Variants in ARID3A observed in about 807,000 individuals in gnomAD.
The protein encoded by ARID3A is AT-rich interactive domain-containing protein 3A.
ARID3A carries 11 observed loss-of-function variants against 52.7 expected under a neutral mutation model. That is an observed-to-expected ratio of 0.21 (90% CI 0.13 to 0.35). The LOEUF is 0.35. Among genes scored for constraint, ARID3A ranks in the 10% least tolerant of loss-of-function variants. ARID3A has a pLI of 1.00. For synonymous variants in ARID3A, 404 were observed against 359.4 expected (o/e 1.12, Z -1.40); for missense variants, 721 against 838.5 (o/e 0.86, Z 1.73).
chr19:929,441 C>CGA lies in ARID3A; in HGVS notation c.-88_-87insGA. 7.9e-7 allele frequency: 1 copy of CGA among 1,270,378 alleles called. No homozygotes were observed. Among genetic ancestry groups the CGA allele is most frequent in the Non-Finnish European group, 1.0e-6 (1 of 1,001,008 alleles). The allele number at this position is 1,270,378 out of a possible 1,614,324, so 78.7% of individuals were successfully genotyped here. On this transcript the variant is annotated 5_prime_UTR_variant, in exon 2 of 9. Coordinates refer to ENST00000263620, the MANE Select transcript of ARID3A (RefSeq NM_005224.3). This position sits in a 1 kb window ranked among gnomAD's most constrained non-coding sequence, Gnocchi z 6.2. ...CCACGCTGCAGTGCGGCCGGGCCCC[C>CGA]TCCCCGCAGGGGCCGCCCCCGCCGC...
chr19:936,145 G>A (rs2037434413), intron 3 of ARID3A, among the ~76,000 whole-genome samples: 1 of 152,236 alleles, frequency 6.6e-6, no homozygotes, highest in African/African-American at 2.4e-5. Context: ...GCTGCTTAAG[G>A]ATTTGAACCT....
chr19:932,748 T>A lies in ARID3A; in HGVS notation c.693+6T>A, dbSNP rs1456007133. ...ACGAGGAGCAGTTTAAGCAGGTGAG[T>A]GGGCGCGTCCCGCGTGGCGGCTGAG... On this transcript the variant is annotated splice_donor_region_variant and intron_variant, in intron 3 of 8. Transcript: ENST00000263620. 6.5e-7 allele frequency: 1 copy of A among 1,546,496 alleles called. No individual in the cohort carries two copies. The highest frequency in any genetic ancestry group is 1.4e-5 in the African/African-American group (1 of 72,836).
chr19:953,753 G>A (rs924709205), intron 3 of ARID3A, among the ~76,000 whole-genome samples: 1 of 152,164 alleles, frequency 6.6e-6, no homozygotes, highest in Non-Finnish European at 1.5e-5. Context: ...CGGAGGCCCT[G>A]GGGTGGGGGC....
At position 932,411 on chromosome 19, in the gene ARID3A, AC is replaced by A. The variant is rs1454320912; in HGVS notation, c.369-3del. 2 of 1,592,698 alleles carry A rather than the reference AC, an allele frequency of 1.3e-6. No individual in the cohort carries two copies. Among genetic ancestry groups the A allele is most frequent in the Middle Eastern group, 2.1e-4 (1 of 4,766 alleles). On this transcript the variant is annotated splice_region_variant and splice_polypyrimidine_tract_variant and intron_variant, in intron 2 of 8. Coordinates refer to ENST00000263620, the MANE Select transcript of ARID3A (RefSeq NM_005224.3). The stretch of plus-strand genomic sequence containing the variant: ...CTCCCCTGACTCCTGCCCTCTGCTC[AC>A]CCCAGGAAGCCCAAATGGGAGGAGG...
intron 3 of ARID3A, among the ~76,000 whole-genome samples, chr19:940,653 C>G (rs1327189427): frequency 9.9e-5 from 15 of 152,150 alleles, no homozygotes; most frequent in Admixed American, 6.5e-5. Context: ...GCCCAGAGGT[C>G]AGGCAGCAGG....
At chr19:927,164 C>A (rs890505413) in intron 1 of ARID3A, among the ~76,000 whole-genome samples, 1 of 152,132 alleles carries the variant, frequency 6.6e-6, no homozygotes, top group Non-Finnish European at 1.5e-5. Context: ...CGGGTGACCT[C>A]TCTCCGGAGG....
rs187709308 is a variant in ARID3A at position 929,886 on chromosome 19, G to A, written c.358G>A (p.Asp120Asn). Residue 120 changes from aspartate to asparagine, a missense_variant, in exon 2 of 9, where the codon GAC (aspartate) becomes AAC (asparagine). Physicochemically the swap from Asp to Asn is conservative, Grantham distance 23 (BLOSUM62 1). Coordinates refer to ENST00000263620, the MANE Select transcript of ARID3A (RefSeq NM_005224.3). The surrounding 1 kb of genome is among the most constrained non-coding windows in gnomAD (Gnocchi z 6.2). ...GEEHFEDMAS[D>N]EDMKPKWEEE... ...GGAGCACTTTGAGGACATGGCCTCC[G>A]ACGAGGACATGTGAGTTGGGGTCTG... 41 of 1,541,462 alleles carry A rather than the reference G, an allele frequency of 2.7e-5. No homozygotes were observed. In the Middle Eastern group the frequency reaches 5.0e-4, roughly 19 times the overall value.
At position 973,417 on chromosome 19, in the gene ARID3A, C is replaced by T. The variant is rs1028254758; in HGVS notation, c.*1352C>T. On this transcript the variant is annotated 3_prime_UTR_variant, in exon 9 of 9. Coordinates refer to ENST00000263620, the MANE Select transcript of ARID3A (RefSeq NM_005224.3). ...GCATGAGCCGCCACGCTGGCCCGGTCTGGAAATCTTATCTAAAAAGTAGCA... is the reference window on the plus strand; with the variant it reads ...GCATGAGCCGCCACGCTGGCCCGGTTTGGAAATCTTATCTAAAAAGTAGCA... The T allele has an allele frequency of 5.1e-6, 1 of 196,296 alleles. No homozygotes were observed. Among genetic ancestry groups the T allele is most frequent in the African/African-American group, 2.3e-5 (1 of 43,190 alleles). 12.2% of individuals were successfully genotyped at this position (196,296 alleles called of 1,614,324 possible). A position where few individuals can be genotyped will look rare whatever the true frequency, so the allele number is the denominator to read the frequency against.
chr19:953,479 C>G (rs540268184), intron 3 of ARID3A, among the ~76,000 whole-genome samples: 255 of 150,218 alleles, frequency 1.7e-3, no homozygotes, highest in Middle Eastern at 6.8e-3. Context: ...TCCCACACCC[C>G]CCCCCGTGCA....
chr19:930,032 C>G, intron 2 of ARID3A, 136 bp downstream of exon 2: 1 of 1,295,642 alleles, frequency 7.7e-7, no homozygotes, highest in African/African-American at 1.5e-5. Flanking sequence ...GAGAGGCCGA[C>G]GTGGGAGGAT....
intron 2 of ARID3A, among the ~76,000 whole-genome samples, chr19:930,219 C>T (rs1309580963): frequency 2.0e-5 from 3 of 150,884 alleles, no homozygotes; most frequent in African/African-American, 7.3e-5. Context: ...CACTGCACTC[C>T]AGCCTGGATG....
At chr19:967,436 G>C (rs1369675621) in intron 7 of ARID3A, among the ~76,000 whole-genome samples, 2 of 152,060 alleles carry the variant, frequency 1.3e-5, no homozygotes, top group Non-Finnish European at 2.9e-5. Context: ...ACACGCTCCT[G>C]TAGCCCCAGC....
intron 6 of ARID3A, 96 bp from the exon 7 acceptor site, chr19:966,467 AAAAAAAAAG>A: frequency 9.3e-7 from 1 of 1,071,708 alleles, no homozygotes; most frequent in Non-Finnish European, 1.3e-6. Context: ...TCAAAAAAAA[AAAAAAAAAG>A]AAAAGAAAAG....
Position 938,892 on chromosome 19 carries a change from AT to A in ARID3A, c.693+6152del, listed in dbSNP as rs2037488364. 6.7e-6 allele frequency among the ~76,000 whole-genome samples: 1 copy of A among 148,306 alleles called. No individual in the cohort carries two copies. The highest frequency in any genetic ancestry group is 1.5e-5 in the Non-Finnish European group (1 of 67,118). ...CTTTTCAGCTCATTTGTTTTTTTTA[AT>A]TGTGGAAAATACACATAGATACATT... On this transcript the variant is annotated intron_variant, in intron 3 of 8. Coordinates refer to ENST00000263620, the MANE Select transcript of ARID3A (RefSeq NM_005224.3). The surrounding 1 kb of genome is among the most constrained non-coding windows in gnomAD (Gnocchi z 4.0).
intron 3 of ARID3A, among the ~76,000 whole-genome samples, chr19:957,465 GC>G (rs1204720018): frequency 6.6e-6 from 1 of 152,240 alleles, no homozygotes; most frequent in East Asian, 1.9e-4. Flanking sequence ...CCTCAGGACA[GC>G]CCCGGGAGGC....
chr19:958,761 CG>C (rs2037977862), intron 3 of ARID3A, among the ~76,000 whole-genome samples: 1 of 151,918 alleles, frequency 6.6e-6, no homozygotes, highest in Non-Finnish European at 1.5e-5. Context: ...GGCGTGGTGG[CG>C]GGCGCCTGTA....
intron 7 of ARID3A, among the ~76,000 whole-genome samples, chr19:967,451 C>G (rs1404081373): frequency 6.6e-6 from 1 of 150,914 alleles, no homozygotes; most frequent in Non-Finnish European, 1.5e-5. Context: ...CCCAGCTACT[C>G]GGGAGGCTGA....
intron 8 of ARID3A, among the ~76,000 whole-genome samples, chr19:971,119 G>A (rs752796656): frequency 2.6e-5 from 4 of 152,186 alleles, no homozygotes; most frequent in Non-Finnish European, 5.9e-5. Context: ...TTAAACACAC[G>A]TGTGTGCTCA....
intron 3 of ARID3A, among the ~76,000 whole-genome samples, chr19:934,637 TA>T (rs1157671428): frequency 6.6e-6 from 1 of 152,074 alleles, no homozygotes; most frequent in African/African-American, 2.4e-5. Context: ...TGAGGTGGAC[TA>T]AAGCTCGGCT....
Sources: allele counts gnomAD v4.1 joint callset (sites outside exome capture counted in the v4.1 genomes callset), GRCh38; gene constraint gnomAD v4.1.1; non-coding constraint Gnocchi (gnomAD v3.1); transcripts MANE v1.5; gene names NCBI Gene and HGNC (gene_info 2026-07-23, HGNC 2026-07-21).